The following COL6A3 variants were observed in gnomAD, a reference collection of about 807,000 sequenced individuals.
COL6A3 encodes collagen type VI alpha 3 chain, also known as collagen alpha-3(VI) chain.
Under a neutral mutation model 274.1 loss-of-function variants are expected in COL6A3, and 137 were observed. The ratio of observed to expected loss-of-function variants is 0.50; its 90% CI spans 0.44 to 0.58. The LOEUF is 0.58. Ranked by LOEUF, COL6A3 falls within the 20% of genes least tolerant of loss-of-function variation. The pLI is 0.00. For missense variants in COL6A3, 3,950 were observed against 4,124.9 expected (o/e 0.96, Z 1.16); for synonymous variants, 1,650 against 1,650.6 (o/e 1.00, Z 0.01).
intron 5 of COL6A3, among the ~76,000 whole-genome samples, chr2:237,380,531 A>T (rs1288547343): frequency 6.6e-6 from 1 of 152,196 alleles, no homozygotes; most frequent in Non-Finnish European, 1.5e-5. Flanking sequence ...TAGATGGACA[A>T]CTCAGGAAAG....
Position 237,367,065 on chromosome 2 carries a change from T to C in COL6A3, c.5122A>G (p.Lys1708Glu). The C allele has an allele frequency of 1.2e-6, 2 of 1,614,258 alleles. No homozygotes were observed. Among genetic ancestry groups the C allele is most frequent in the Non-Finnish European group, 1.7e-6 (2 of 1,180,054 alleles). The change falls in exon 11 of 44, where the codon AAA becomes GAA. Residue 1708 changes from lysine to glutamate, a missense_variant. Physicochemically the swap from Lys to Glu is moderately conservative, Grantham distance 56. Coordinates refer to ENST00000295550, the MANE Select transcript of COL6A3 (RefSeq NM_004369.4). ...TGTCTTCCCCCTTTGTAGACCACTT[T>C]GTTGATGGCGTCAATAATCTGCCTC... is the stretch of plus-strand genomic sequence containing the variant. ...TKRQIIDAIN[K>E]VVYKGGRHAN...
chr2:237,341,105 G>A lies in COL6A3; in HGVS notation c.7811C>T (p.Pro2604Leu). 1 of 1,614,182 alleles carries A rather than the reference G, an allele frequency of 6.2e-7. No individual in the cohort carries two copies. The highest frequency in any genetic ancestry group is 8.5e-7 in the Non-Finnish European group (1 of 1,180,028). ...TGCCGCTCTCCTGTCCCTGAAGGAA[G>A]GCCTCCAACTGCCAAATCCACAGGA... The part of the protein sequence containing the change: ...DPSCGFGSWR[P>L]SFRDRRAAGS... Residue 2604 changes from proline to leucine, a missense_variant, in exon 38 of 44, where the codon CCT (proline) becomes CTT (leucine). Physicochemically the swap from Pro to Leu is moderately conservative, Grantham distance 98. Around this residue, in one of 5 missense-constraint regions of COL6A3, gnomAD observed 1,284 missense variants for 1,349.7 expected, o/e 0.95. Coordinates refer to ENST00000295550, the MANE Select transcript of COL6A3 (RefSeq NM_004369.4).
chr2:237,355,060 C>T (rs2077289995), intron 23 of COL6A3, 126 bp from the exon 24 acceptor site: 3 of 888,078 alleles, frequency 3.4e-6, no homozygotes, highest in Non-Finnish European at 5.4e-6. Context: ...CAAGCACCCA[C>T]ATCGTGCCAA....
intron 1 of COL6A3, among the ~76,000 whole-genome samples, chr2:237,406,996 A>G (rs1267960449): frequency 1.4e-5 from 2 of 147,912 alleles, no homozygotes; most frequent in African/African-American, 5.1e-5. Flanking sequence ...TGCAGCTTCA[A>G]CTTCCTGAGA....
chr2:237,374,277 TA>T lies in COL6A3; in HGVS notation c.3679+134del. 1 of 1,342,176 alleles carries T rather than the reference TA, an allele frequency of 7.5e-7. No individual in the cohort carries two copies. Among genetic ancestry groups the T allele is most frequent in the Non-Finnish European group, 1.0e-6 (1 of 953,856 alleles). 83.1% of individuals were successfully genotyped at this position (1,342,176 alleles called of 1,614,324 possible). A position where few individuals can be genotyped will look rare whatever the true frequency, so the allele number is the denominator to read the frequency against. ...AGGCCAAAAAGGGCATGTGGGTTCC[TA>T]AATTTTCCTGTAATTTTAGTTTTCA... On this transcript the variant is annotated intron_variant, in intron 8 of 43. Coordinates refer to ENST00000295550, the MANE Select transcript of COL6A3 (RefSeq NM_004369.4). This position sits in a 1 kb window ranked among gnomAD's most constrained non-coding sequence, Gnocchi z 4.8.
At chr2:237,327,201 C>T (rs963763695) in intron 42 of COL6A3, 1 of 152,248 alleles carries the variant, frequency 6.6e-6, no homozygotes, top group Non-Finnish European at 1.5e-5. Context: ...TCCTCATTTA[C>T]TGGTGGCTTC....
Position 237,325,731 on chromosome 2 carries a change from T to A in COL6A3, c.9329-7A>T, listed in dbSNP as rs746455003. The A allele has an allele frequency of 7.4e-6, 12 of 1,612,166 alleles. No individual in the cohort carries two copies. In the African/African-American group the frequency reaches 1.5e-4, roughly 20 times the overall value. On this transcript the variant is annotated splice_polypyrimidine_tract_variant and splice_region_variant and intron_variant, in intron 42 of 43. Coordinates refer to ENST00000295550, the MANE Select transcript of COL6A3 (RefSeq NM_004369.4). ...TTCGGCAACTTGCATATATCTTTAATAAAAACATGAGAAAAGGATATTAAT... is the reference window on the plus strand; with the variant it reads ...TTCGGCAACTTGCATATATCTTTAAAAAAAACATGAGAAAAGGATATTAAT...
At position 237,394,586 on chromosome 2, in the gene COL6A3, C is replaced by A; in HGVS notation, c.709+1G>T. ...GCGTAGCTTGGTGGCGTTGCCATTA[C>A]CTGTGATGTCTTTAAGGGTTTCCGT... On this transcript the variant is annotated splice_donor_variant, in intron 3 of 43. Transcript: ENST00000295550. LOFTEE classifies it high-confidence loss of function. The A allele has an allele frequency of 6.2e-7, 1 of 1,613,970 alleles. No individual in the cohort carries two copies. The highest frequency in any genetic ancestry group is 8.5e-7 in the Non-Finnish European group (1 of 1,180,038).
chr2:237,394,477 C>T (rs1394647644), intron 3 of COL6A3, 110 bp downstream of exon 3: 2 of 1,398,962 alleles, frequency 1.4e-6, no homozygotes, highest in African/African-American at 2.8e-5. Context: ...GAACACTCAT[C>T]TCTTCCCTGG....
rs138834992 is a variant in COL6A3 at position 237,371,999 on chromosome 2, G to A, written c.4018C>T (p.Leu1340=). 5.0e-6 allele frequency: 8 copies of A among 1,614,032 alleles called. No homozygotes were observed. In the African/African-American group the frequency reaches 8.0e-5, roughly 16 times the overall value. ...GACTTTCCAGACGAGATGAGGACCA[G>A]GAACTGCGGGACGCCCTCTTCAATG... The part of the protein sequence containing the change: ...SRIEEGVPQF[L]VLISSGKSDD... The change falls in exon 9 of 44, where the codon CTG becomes TTG. Residue 1340 remains leucine, a synonymous_variant. Coordinates refer to ENST00000295550, the MANE Select transcript of COL6A3 (RefSeq NM_004369.4). This position sits in a 1 kb window ranked among gnomAD's most constrained non-coding sequence, Gnocchi z 4.3.
At chr2:237,325,928 A>G (rs938399614) in intron 42 of COL6A3, 5 of 512,146 alleles carry the variant, frequency 9.8e-6, no homozygotes, top group Non-Finnish European at 1.7e-5. Flanking sequence ...CTTGTGAGAG[A>G]TAGATGAAAT....
At chr2:237,349,058 A>T (rs770970381) in intron 28 of COL6A3, among the ~76,000 whole-genome samples, 1 of 152,086 alleles carries the variant, frequency 6.6e-6, no homozygotes, top group Non-Finnish European at 1.5e-5. Context: ...AAACCAAAAC[A>T]CTGAACTCCA....
chr2:237,384,927 C>T (rs1184173419), intron 4 of COL6A3, among the ~76,000 whole-genome samples: 1 of 152,164 alleles, frequency 6.6e-6, no homozygotes, highest in Non-Finnish European at 1.5e-5. Flanking sequence ...GCTCCAGCTA[C>T]ACTGCCTTCT....
chr2:237,377,587 C>T (rs2077882725), intron 6 of COL6A3, among the ~76,000 whole-genome samples: 1 of 152,204 alleles, frequency 6.6e-6, no homozygotes. Flanking sequence ...CATGCTTCTT[C>T]AATAAAGCAA....
chr2:237,401,014 C>CA (rs1412031664), intron 1 of COL6A3, among the ~76,000 whole-genome samples: 2 of 152,092 alleles, frequency 1.3e-5, no homozygotes, highest in African/African-American at 4.8e-5. Context: ...CTTATAATTT[C>CA]AAAACATATT....
chr2:237,350,454 C>A (rs2077182304), intron 27 of COL6A3, among the ~76,000 whole-genome samples: 1 of 152,126 alleles, frequency 6.6e-6, no homozygotes, highest in African/African-American at 2.4e-5. Context: ...GAGAGAGTAA[C>A]AACTGGGAGA....
rs749975843 is a variant in COL6A3 at position 237,344,630 on chromosome 2, G to T, written c.7388C>A (p.Ser2463Tyr). The T allele has an allele frequency of 5.6e-6, 9 of 1,614,142 alleles. No individual in the cohort carries two copies. Among genetic ancestry groups the T allele is most frequent in the Non-Finnish European group, 7.6e-6 (9 of 1,180,016 alleles). Residue 2463 changes from serine to tyrosine, a missense_variant, in exon 36 of 44, where the codon TCC becomes TAC. By Grantham distance (144) the Ser-to-Tyr change is moderately radical. Around this residue, in one of 5 missense-constraint regions of COL6A3, gnomAD observed 1,284 missense variants for 1,349.7 expected, o/e 0.95. Coordinates refer to ENST00000295550, the MANE Select transcript of COL6A3 (RefSeq NM_004369.4). The surrounding 1 kb of genome is among the most constrained non-coding windows in gnomAD (Gnocchi z 4.8). ...EVTTEIRFAD[S>Y]KRKSVLLDKI... ...GTCCAGGAGGACCGACTTCCTCTTG[G>T]AGTCAGCAAACCGGATCTCCGTGGT...
chr2:237,342,113 C>T lies in COL6A3; in HGVS notation c.7717G>A (p.Asp2573Asn), dbSNP rs1295799709. 6.2e-7 allele frequency: 1 copy of T among 1,614,206 alleles called. No individual in the cohort carries two copies. The highest frequency in any genetic ancestry group is 1.1e-5 in the South Asian group (1 of 91,080). Residue 2573 changes from aspartate (D) to asparagine (N), a missense_variant, in exon 37 of 44, where the codon GAC becomes AAC. By Grantham distance (23) the Asp-to-Asn change is conservative (BLOSUM62 1). Around this residue, in one of 5 missense-constraint regions of COL6A3, gnomAD observed 1,284 missense variants for 1,349.7 expected, o/e 0.95. Coordinates refer to ENST00000295550, the MANE Select transcript of COL6A3 (RefSeq NM_004369.4). Reference protein sequence around the residue: ...GHALVLPAGRDLTDFLENVLT... With the variant: ...GHALVLPAGRNLTDFLENVLT... ...ACATTCTCCAGGAAGTCTGTGAGGT[C>T]TCTCCCTGCAGGCAGGACAAGCGCA...
At chr2:237,355,470 C>G in intron 23 of COL6A3, 1 of 152,924 alleles carries the variant, frequency 6.5e-6, no homozygotes, top group Non-Finnish European at 1.5e-5. Context: ...TTAGGTAGGG[C>G]TCACGACTTG....
Sources: allele counts gnomAD v4.1 joint callset (sites outside exome capture counted in the v4.1 genomes callset), GRCh38; gene constraint gnomAD v4.1.1; regional missense constraint gnomAD v4.1.1; non-coding constraint Gnocchi (gnomAD v3.1); transcripts MANE v1.5; gene names NCBI Gene and HGNC (gene_info 2026-07-23, HGNC 2026-07-21).